Variants in SMAD5 observed in about 807,000 individuals in gnomAD.
SMAD5 encodes the protein SMAD family member 5.
In SMAD5, 9 loss-of-function variants were observed where a neutral mutation model predicts 43.1. The ratio of observed to expected loss-of-function variants is 0.21; its 90% CI spans 0.13 to 0.36. The LOEUF (loss-of-function observed/expected upper bound fraction) is 0.36, where lower values mean the gene tolerates loss of function less well. Among genes scored for constraint, SMAD5 ranks in the 10% least tolerant of loss-of-function variants. The pLI is 1.00. For missense variants in SMAD5, 348 were observed against 574.0 expected, an observed-to-expected ratio of 0.61 and a Z score of 4.02; for synonymous variants, 190 against 192.4, an observed-to-expected ratio of 0.99 and a Z score of 0.10.
rs1444745122 is a variant in SMAD5 at position 136,178,815 on chromosome 5, G to A, written c.*1335G>A. 6.6e-6 allele frequency: 1 copy of A among 152,346 alleles called. No homozygotes were observed. The highest frequency in any genetic ancestry group is 6.5e-5 in the Admixed American group (1 of 15,272). 9.4% of individuals were successfully genotyped at this position (152,346 alleles called of 1,614,324 possible). On this transcript the variant is annotated 3_prime_UTR_variant, in exon 8 of 8. Coordinates refer to ENST00000545279, the MANE Select transcript of SMAD5 (RefSeq NM_005903.7). ...CACACCTGTAATCCCAGCACTTTGG[G>A]AGGCTGAGGCAGGCAGATCATGATG...
At position 136,174,487 on chromosome 5, in the gene SMAD5, C is replaced by T. The variant is rs1417400075; in HGVS notation, c.1109C>T (p.Thr370Ile). ...TTTCATCATGGCTTTCATCCCACCA[C>T]TGTCTGTAAGATTCCCAGCAGCTGC... ...CNFHHGFHPTTVCKIPSSCSL... is the reference protein window; with the variant it reads ...CNFHHGFHPTIVCKIPSSCSL... Residue 370 changes from threonine to isoleucine, a missense_variant, in exon 7 of 8, where the codon ACT (threonine) becomes ATT (isoleucine). Coordinates refer to ENST00000545279, the MANE Select transcript of SMAD5 (RefSeq NM_005903.7). 6.2e-7 allele frequency: 1 copy of T among 1,613,954 alleles called. No individual in the cohort carries two copies. Among genetic ancestry groups the T allele is most frequent in the Non-Finnish European group, 8.5e-7 (1 of 1,179,842 alleles).
At chr5:136,143,200 T>C (rs1753142385) in intron 1 of SMAD5, among the ~76,000 whole-genome samples, 1 of 152,144 alleles carries the variant, frequency 6.6e-6, no homozygotes, top group South Asian at 2.1e-4. Context: ...ATGTTTTCAT[T>C]ATTCAGGGTT....
At position 136,166,510 on chromosome 5, in the gene SMAD5, A is replaced by G. The variant is rs190617289; in HGVS notation, c.775+3119A>G. ...AATTTAAAATCTACCTTCATTTACC[A>G]TAAAAATGGAACATGAATTTCTGGA... On this transcript the variant is annotated intron_variant, in intron 5 of 7. Coordinates refer to ENST00000545279, the MANE Select transcript of SMAD5 (RefSeq NM_005903.7). Among the ~76,000 whole-genome samples, 32 of 152,288 alleles carry G rather than the reference A, an allele frequency of 2.1e-4. No homozygotes were observed. The East Asian group carries it at 5.8e-3, about 28-fold the overall frequency.
intron 3 of SMAD5, among the ~76,000 whole-genome samples, chr5:136,158,451 C>T (rs1250947471): frequency 6.6e-6 from 1 of 152,044 alleles, no homozygotes; most frequent in African/African-American, 2.4e-5. Flanking sequence ...TTTATACATG[C>T]AGGAAGTCAA....
At chr5:136,168,551 T>C (rs558168166) in intron 5 of SMAD5, among the ~76,000 whole-genome samples, 2 of 152,282 alleles carry the variant, frequency 1.3e-5, no homozygotes, top group South Asian at 4.1e-4. Context: ...CTCACCAGAG[T>C]GGGACATTTG....
At chr5:136,165,662 ATTT>A (rs58156387) in intron 5 of SMAD5, among the ~76,000 whole-genome samples, 1 of 65,456 alleles carries the variant, frequency 1.5e-5, no homozygotes, top group African/African-American at 5.5e-5. Flanking sequence ...GAATCATACA[ATTT>A]TTTTTTTTTT....
intron 3 of SMAD5, among the ~76,000 whole-genome samples, chr5:136,160,566 T>C (rs1753789031): frequency 6.6e-6 from 1 of 152,114 alleles, no homozygotes; most frequent in Non-Finnish European, 1.5e-5. Context: ...TGTTAAATTC[T>C]CTGTTTTATG....
chr5:136,144,127 T>C (rs1337425697), intron 1 of SMAD5, among the ~76,000 whole-genome samples: 1 of 152,074 alleles, frequency 6.6e-6, no homozygotes, highest in Admixed American at 6.6e-5. Flanking sequence ...TTGATGAAAA[T>C]TGACTGTCTC....
rs188699248 is a variant in SMAD5 at position 136,139,590 on chromosome 5, C to T, written c.-245+6628C>T. The stretch of plus-strand genomic sequence containing the variant: ...TGCTATCACCCTGGTTGTAAGCCAT[C>T]GTCATCTTCTCCCCTCCCTTAGATT... On this transcript the variant is annotated intron_variant, in intron 1 of 7. Coordinates refer to ENST00000545279, the MANE Select transcript of SMAD5 (RefSeq NM_005903.7). Among the ~76,000 whole-genome samples, 698 of 152,258 alleles carry T rather than the reference C, an allele frequency of 4.6e-3. 7 individuals are homozygous for T. Among genetic ancestry groups the T allele is most frequent in the African/African-American group, 0.015 (643 of 41,530 alleles).
chr5:136,145,054 G>A (rs1315561158), intron 1 of SMAD5, among the ~76,000 whole-genome samples: 16 of 151,778 alleles, frequency 1.1e-4, no homozygotes, highest in East Asian at 1.9e-4. Flanking sequence ...GTGATGGGGA[G>A]CATCAGAAAG....
chr5:136,165,453 T>G (rs945621164), intron 5 of SMAD5, among the ~76,000 whole-genome samples: 3 of 152,194 alleles, frequency 2.0e-5, no homozygotes, highest in Admixed American at 1.3e-4. Flanking sequence ...AAGTGTACAG[T>G]TCAGTGGCAT....
At chr5:136,151,412 G>A (rs1753456656) in intron 2 of SMAD5, among the ~76,000 whole-genome samples, 1 of 152,088 alleles carries the variant, frequency 6.6e-6, no homozygotes, top group African/African-American at 2.4e-5. Context: ...GAGTGAGTAT[G>A]CTGCGTTAAG....
chr5:136,177,676 A>G lies in SMAD5; in HGVS notation c.*196A>G. 3 of 492,612 alleles carry G rather than the reference A, an allele frequency of 6.1e-6. No homozygotes were observed. Among genetic ancestry groups the G allele is most frequent in the South Asian group, 7.2e-5 (2 of 27,868 alleles). The allele number at this position is 492,612 out of a possible 1,614,324, so 30.5% of individuals were successfully genotyped here. ...ATTCATGTTCATGTGATTAACTCTTAGAAGTGTTGTAAAAGATGCAGAGTA... is the reference window on the plus strand; with the variant it reads ...ATTCATGTTCATGTGATTAACTCTTGGAAGTGTTGTAAAAGATGCAGAGTA... On this transcript the variant is annotated 3_prime_UTR_variant, in exon 8 of 8. Transcript: ENST00000545279.
intron 5 of SMAD5, among the ~76,000 whole-genome samples, chr5:136,171,884 T>C (rs1305112335): frequency 6.6e-6 from 1 of 152,226 alleles, no homozygotes; most frequent in Non-Finnish European, 1.5e-5. Context: ...ATTCATATGT[T>C]GAAGTCCTAA....
In SMAD5 at chr5:136,150,504, A is replaced by C. The variant is rs143971316; in HGVS notation, c.-170+2598A>C. 2.0e-5 allele frequency among the ~76,000 whole-genome samples: 3 copies of C among 152,088 alleles called. No homozygotes were observed. In the East Asian group the frequency reaches 5.8e-4, roughly 29 times the overall value. On this transcript the variant is annotated intron_variant, in intron 2 of 7. Coordinates refer to ENST00000545279, the MANE Select transcript of SMAD5 (RefSeq NM_005903.7). The stretch of plus-strand genomic sequence containing the variant: ...TTTGTACTGTATTTGGGAAGTTATG[A>C]TATTATTTATGACTTATTAATTAGT...
intron 5 of SMAD5, 76 bp downstream of exon 5, chr5:136,163,467 CTT>C: frequency 8.2e-7 from 1 of 1,212,846 alleles, no homozygotes; most frequent in African/African-American, 1.6e-5. Flanking sequence ...TTAAAAACAG[CTT>C]TATTGAGGTA....
At chr5:136,164,154 C>T (rs1336345523) in intron 5 of SMAD5, among the ~76,000 whole-genome samples, 1 of 152,144 alleles carries the variant, frequency 6.6e-6, no homozygotes. Context: ...GAGTGGAGTG[C>T]CACTGCACTC....
chr5:136,149,708 C>T (rs17169884), intron 2 of SMAD5, among the ~76,000 whole-genome samples: 14,625 of 151,740 alleles, frequency 0.096, 848 homozygotes, highest in East Asian at 0.27. Flanking sequence ...TAAGTTGAGA[C>T]GTGGATAACA....
At chr5:136,164,036 A>G (rs1262724807) in intron 5 of SMAD5, among the ~76,000 whole-genome samples, 2 of 152,150 alleles carry the variant, frequency 1.3e-5, no homozygotes, top group East Asian at 1.9e-4. Context: ...TACAATAAAA[A>G]TAAAAAATTA....
Sources: allele counts gnomAD v4.1 joint callset (sites outside exome capture counted in the v4.1 genomes callset), GRCh38; gene constraint gnomAD v4.1.1; transcripts MANE v1.5; gene names NCBI Gene and HGNC (gene_info 2026-07-23, HGNC 2026-07-21).